Variants in EPHB2 observed in about 807,000 individuals in gnomAD.
EPHB2 encodes the protein EPH receptor B2.
In EPHB2, 18 loss-of-function variants were observed where a neutral mutation model predicts 96.4. The observed-to-expected ratio is 0.19, with a 90% confidence interval of 0.13 to 0.28. EPHB2 has a LOEUF of 0.28. EPHB2 is among the 10% of genes least tolerant of loss of function. The pLI, the probability that EPHB2 is intolerant of heterozygous loss-of-function variation, is 1.00. For missense variants in EPHB2, 989 were observed against 1,355.4 expected (o/e 0.73, Z 4.25); for synonymous variants, 506 against 534.1 (o/e 0.95, Z 0.72).
At chr1:22,783,558 G>C (rs1644564855) in intron 2 of EPHB2, among the ~76,000 whole-genome samples, 1 of 152,304 alleles carries the variant, frequency 6.6e-6, no homozygotes, top group South Asian at 2.1e-4. Context: ...CTGCAGAGGA[G>C]ACCAGAGACG....
intron 1 of EPHB2, among the ~76,000 whole-genome samples, chr1:22,743,528 T>TG (rs1406631582): frequency 7.2e-5 from 11 of 152,186 alleles, no homozygotes; most frequent in Non-Finnish European, 1.6e-4. Flanking sequence ...TGGAGTGCAA[T>TG]GGGGTGATCT....
At chr1:22,729,887 CTG>C (rs1553158840) in intron 1 of EPHB2, among the ~76,000 whole-genome samples, 1 of 152,232 alleles carries the variant, frequency 6.6e-6, no homozygotes, top group Non-Finnish European at 1.5e-5. Flanking sequence ...AAGTGCTCAA[CTG>C]ATATATATTG....
chr1:22,806,310 G>A (rs1644924101), intron 3 of EPHB2, among the ~76,000 whole-genome samples: 2 of 152,218 alleles, frequency 1.3e-5, no homozygotes, highest in African/African-American at 2.4e-5. Flanking sequence ...GCAGAGCCAG[G>A]ATTCAAGCCA....
At chr1:22,787,573 G>A (rs1385113012) in intron 3 of EPHB2, among the ~76,000 whole-genome samples, 1 of 152,138 alleles carries the variant, frequency 6.6e-6, no homozygotes, top group Non-Finnish European at 1.5e-5. Context: ...AACATAGTGA[G>A]ACCCTGTCTC....
chr1:22,872,069 G>A (rs1638688381), intron 5 of EPHB2, among the ~76,000 whole-genome samples: 1 of 152,118 alleles, frequency 6.6e-6, no homozygotes, highest in African/African-American at 2.4e-5. Flanking sequence ...AGCAGTGTTG[G>A]CAGGATGTGT....
chr1:22,755,019 G>A (rs891223974), intron 1 of EPHB2, among the ~76,000 whole-genome samples: 2 of 151,762 alleles, frequency 1.3e-5, no homozygotes, highest in Admixed American at 1.3e-4. Context: ...CCCTGAGCCC[G>A]AGGCCCCCCT....
chr1:22,744,656 A>C (rs1643944676), intron 1 of EPHB2, among the ~76,000 whole-genome samples: 1 of 127,384 alleles, frequency 7.9e-6, no homozygotes, highest in African/African-American at 3.1e-5. Context: ...TGGGCGACAG[A>C]GTGAGACATT....
At chr1:22,744,740 C>T (rs1643947576) in intron 1 of EPHB2, among the ~76,000 whole-genome samples, 2 of 147,466 alleles carry the variant, frequency 1.4e-5, no homozygotes, top group South Asian at 4.3e-4. Flanking sequence ...CTTGTAGTCT[C>T]AGCTATTTGG....
At chr1:22,742,229 C>A in intron 1 of EPHB2, among the ~76,000 whole-genome samples, 1 of 152,146 alleles carries the variant, frequency 6.6e-6, no homozygotes, top group Non-Finnish European at 1.5e-5. Flanking sequence ...GGGTCCCTGA[C>A]ATGAGGACCG....
At chr1:22,764,126 C>T (rs1448209315) in intron 1 of EPHB2, among the ~76,000 whole-genome samples, 1 of 152,240 alleles carries the variant, frequency 6.6e-6, no homozygotes, top group African/African-American at 2.4e-5. Context: ...ATGTGGCCAT[C>T]TCTTGGGGGA....
intron 5 of EPHB2, among the ~76,000 whole-genome samples, chr1:22,881,687 C>T (rs922566097): frequency 3.9e-5 from 6 of 152,184 alleles, no homozygotes; most frequent in African/African-American, 9.6e-5. Context: ...TTCTGCCTCC[C>T]GCACTGAAGC....
chr1:22,712,847 G>A (rs1324139474), intron 1 of EPHB2, among the ~76,000 whole-genome samples: 1 of 152,228 alleles, frequency 6.6e-6, no homozygotes, highest in African/African-American at 2.4e-5. Context: ...GATGTTTACA[G>A]TATTATGGGG....
chr1:22,815,532 G>A (rs1025076636), intron 3 of EPHB2, among the ~76,000 whole-genome samples: 1 of 152,206 alleles, frequency 6.6e-6, no homozygotes, highest in African/African-American at 2.4e-5. Context: ...GGCCGTGTTG[G>A]GTGCAGCCAG....
At chr1:22,863,820 G>A (rs1394973573) in intron 4 of EPHB2, among the ~76,000 whole-genome samples, 1 of 152,160 alleles carries the variant, frequency 6.6e-6, no homozygotes, top group Non-Finnish European at 1.5e-5. Flanking sequence ...CCTGGGCTCA[G>A]GTGCCCTCAG....
chr1:22,787,586 C>T (rs1644630909), intron 3 of EPHB2, among the ~76,000 whole-genome samples: 2 of 151,846 alleles, frequency 1.3e-5, no homozygotes, highest in Non-Finnish European at 1.5e-5. Flanking sequence ...CCTGTCTCTA[C>T]AAAGAAAGAA....
chr1:22,882,128 G>A (rs1022905538), intron 5 of EPHB2, among the ~76,000 whole-genome samples: 6 of 152,210 alleles, frequency 3.9e-5, no homozygotes, highest in South Asian at 2.1e-4. Flanking sequence ...TGGTGAAGTC[G>A]TCAGTGTCTG....
chr1:22,871,739 CG>C, intron 5 of EPHB2, among the ~76,000 whole-genome samples: 1 of 152,254 alleles, frequency 6.6e-6, no homozygotes, highest in Admixed American at 6.5e-5. Context: ...TAGCGTGGGC[CG>C]GGTGCAGTGG....
At chr1:22,740,503 T>G (rs1172191945) in intron 1 of EPHB2, among the ~76,000 whole-genome samples, 1 of 152,188 alleles carries the variant, frequency 6.6e-6, no homozygotes, top group East Asian at 1.9e-4. Flanking sequence ...ATGGTACCTC[T>G]GTGGCATCAG....
At chr1:22,818,376 C>T (rs1391971207) in intron 3 of EPHB2, among the ~76,000 whole-genome samples, 3 of 152,114 alleles carry the variant, frequency 2.0e-5, no homozygotes, top group Non-Finnish European at 4.4e-5. Context: ...GAACCACCGC[C>T]CTGGCTCTGC....
Sources: gnomAD v4.1 joint callset for allele counts (sites outside exome capture counted in the v4.1 genomes callset) on GRCh38, gnomAD v4.1.1 for gene constraint, MANE v1.5 for transcripts, NCBI Gene and HGNC (gene_info 2026-07-23, HGNC 2026-07-21) for gene names.